Variants in UBE2V2 observed in about 807,000 individuals in gnomAD.
The protein encoded by UBE2V2 is ubiquitin-conjugating enzyme E2 variant 2.
A neutral mutation model predicts 17.2 loss-of-function variants in UBE2V2; 9 were observed. The ratio of observed to expected loss-of-function variants is 0.52; its 90% CI spans 0.32 to 0.91. The LOEUF is 0.91. Ranked by LOEUF, UBE2V2 falls within the 40% of genes least tolerant of loss-of-function variation. The probability of loss-of-function intolerance (pLI) is 0.04; values close to 1 mark genes in which losing one functional copy is unlikely to be tolerated. For synonymous variants in UBE2V2, 61 were observed against 57.5 expected (o/e 1.06, Z -0.28); for missense variants, 133 against 182.6 (o/e 0.73, Z 1.56).
the UBE2V2 span, among the ~76,000 whole-genome samples, chr8:48,000,751 G>A: frequency 2.7e-5 from 4 of 150,810 alleles, 1 homozygote; most frequent in South Asian, 8.4e-4. Flanking sequence ...GAACCCAGGA[G>A]GCGGAGCCTG....
chr8:47,999,043 C>T, the UBE2V2 span, among the ~76,000 whole-genome samples: 1 of 152,116 alleles, frequency 6.6e-6, no homozygotes, highest in East Asian at 1.9e-4. Context: ...TTCCCCTATG[C>T]GGTCTGAGTG....
chr8:48,000,193 C>T, the UBE2V2 span, among the ~76,000 whole-genome samples: 4 of 152,190 alleles, frequency 2.6e-5, no homozygotes, highest in African/African-American at 7.2e-5. Context: ...AATTTCTATA[C>T]GTCTCTGGAA....
At chr8:48,029,969 A>G (rs2091372057) in intron 1 of UBE2V2, among the ~76,000 whole-genome samples, 1 of 152,222 alleles carries the variant, frequency 6.6e-6, no homozygotes, top group Non-Finnish European at 1.5e-5. Context: ...AGAAATTAAA[A>G]CTAGAGAGGA....
chr8:48,029,513 C>T (rs969473224), intron 1 of UBE2V2, among the ~76,000 whole-genome samples: 31 of 152,236 alleles, frequency 2.0e-4, no homozygotes, highest in African/African-American at 7.0e-4. Flanking sequence ...TTTAATCTCA[C>T]TAAAAAAAGT....
intron 1 of UBE2V2, among the ~76,000 whole-genome samples, chr8:48,015,471 A>G (rs1395239959): frequency 6.6e-6 from 1 of 152,230 alleles, no homozygotes; most frequent in Non-Finnish European, 1.5e-5. Context: ...TACCAAATAC[A>G]TTATCTCACA....
intron 1 of UBE2V2, among the ~76,000 whole-genome samples, chr8:48,034,568 AC>A (rs869058616): frequency 7.8e-6 from 1 of 127,854 alleles, no homozygotes; most frequent in African/African-American, 3.0e-5. Flanking sequence ...GGTCTCCCCC[AC>A]CCCCCCTTTT....
chr8:48,031,302 T>C (rs2091381700), intron 1 of UBE2V2, among the ~76,000 whole-genome samples: 1 of 152,246 alleles, frequency 6.6e-6, no homozygotes, highest in African/African-American at 2.4e-5. Flanking sequence ...GTTTTATTTT[T>C]AGTTTGCTTT....
At chr8:48,022,606 C>G (rs1016042230) in intron 1 of UBE2V2, among the ~76,000 whole-genome samples, 2 of 152,110 alleles carry the variant, frequency 1.3e-5, no homozygotes, top group African/African-American at 4.8e-5. Context: ...TTTATACTTT[C>G]AGATGTTTTT....
chr8:48,041,525 T>C (rs1200468612), intron 1 of UBE2V2, among the ~76,000 whole-genome samples: 1 of 152,138 alleles, frequency 6.6e-6, no homozygotes, highest in East Asian at 1.9e-4. Context: ...CAAATAAAAG[T>C]AGATACTTAA....
At chr8:48,024,556 T>C (rs146528477) in intron 1 of UBE2V2, among the ~76,000 whole-genome samples, 109 of 151,774 alleles carry the variant, frequency 7.2e-4, no homozygotes, top group African/African-American at 2.6e-3. Context: ...GATCGCGCCA[T>C]TGCACACCAG....
chr8:48,038,954 A>C (rs1290483310), intron 1 of UBE2V2, among the ~76,000 whole-genome samples: 1 of 142,368 alleles, frequency 7.0e-6, no homozygotes, highest in Non-Finnish European at 1.5e-5. Context: ...TTTGAGACAG[A>C]GTCTTGCTCT....
At chr8:48,046,729 TGGGACTATAG>T (rs1229138422) in intron 2 of UBE2V2, among the ~76,000 whole-genome samples, 2 of 152,102 alleles carry the variant, frequency 1.3e-5, no homozygotes, top group African/African-American at 4.8e-5. Flanking sequence ...TCTGAGTAGC[TGGGACTATAG>T]GGGTACACCA....
intron 1 of UBE2V2, among the ~76,000 whole-genome samples, chr8:48,019,572 T>C (rs1309516318): frequency 1.3e-5 from 2 of 149,534 alleles, no homozygotes; most frequent in Non-Finnish European, 1.5e-5. Context: ...ATCCCAGCAC[T>C]TTGGGAGGCT....
intron 1 of UBE2V2, among the ~76,000 whole-genome samples, chr8:48,022,237 A>C (rs1189681433): frequency 3.3e-5 from 5 of 149,660 alleles, no homozygotes; most frequent in African/African-American, 1.2e-4. Context: ...TCCCGGGTTC[A>C]TGTGATTCTC....
At chr8:48,038,848 C>G (rs901154543) in intron 1 of UBE2V2, among the ~76,000 whole-genome samples, 17 of 151,724 alleles carry the variant, frequency 1.1e-4, no homozygotes, top group African/African-American at 3.9e-4. Flanking sequence ...TGGTGTTGAA[C>G]TCAAGTGATT....
At chr8:48,048,934 TA>T (rs1284502718) in intron 2 of UBE2V2, among the ~76,000 whole-genome samples, 1 of 152,070 alleles carries the variant, frequency 6.6e-6, no homozygotes, top group Non-Finnish European at 1.5e-5. Flanking sequence ...TAATTCTCTT[TA>T]AAACAATTTT....
At chr8:48,047,571 T>G (rs1169177128) in intron 2 of UBE2V2, among the ~76,000 whole-genome samples, 6 of 152,212 alleles carry the variant, frequency 3.9e-5, no homozygotes, top group African/African-American at 1.4e-4. Context: ...AAATTTTTTT[T>G]TTTTTTGAGA....
Position 48,043,235 on chromosome 8 carries a change from T to C in UBE2V2, c.165+54T>C, listed in dbSNP as rs1316319477. The C allele has an allele frequency of 4.0e-6, 5 of 1,265,554 alleles. No individual in the cohort carries two copies. In the African/African-American group the frequency reaches 7.6e-5, roughly 19 times the overall value. 78.4% of individuals were successfully genotyped at this position (1,265,554 alleles called of 1,614,324 possible). ...TTAATACTTATTGTTAAAGTTAGCATTTAATTTTATACTATTGATATTAAA... is the reference window on the plus strand; with the variant it reads ...TTAATACTTATTGTTAAAGTTAGCACTTAATTTTATACTATTGATATTAAA... On this transcript the variant is annotated intron_variant, in intron 2 of 3. Coordinates refer to ENST00000523111, the MANE Select transcript of UBE2V2 (RefSeq NM_003350.3).
At chr8:48,043,282 T>G in intron 2 of UBE2V2, 101 bp downstream of exon 2, 1 of 935,506 alleles carries the variant, frequency 1.1e-6, no homozygotes, top group Non-Finnish European at 1.4e-6. Context: ...TGATAACTTC[T>G]AAAATAGTTC....
Sources: allele counts gnomAD v4.1 joint callset (sites outside exome capture counted in the v4.1 genomes callset), GRCh38; gene constraint gnomAD v4.1.1; transcripts MANE v1.5; gene names NCBI Gene and HGNC (gene_info 2026-07-23, HGNC 2026-07-21).